Variants in KCNAB3 observed in about 807,000 individuals in gnomAD.
KCNAB3 encodes the protein voltage-gated potassium channel subunit beta-3.
Under a neutral mutation model 67.7 loss-of-function variants are expected in KCNAB3, and 62 were observed. The ratio of observed to expected loss-of-function variants is 0.92; its 90% CI spans 0.75 to 1.13. The LOEUF (loss-of-function observed/expected upper bound fraction) is 1.13, where lower values mean the gene tolerates loss of function less well. Among genes scored for constraint, KCNAB3 ranks in the 50% most tolerant of loss-of-function variants. The probability of loss-of-function intolerance (pLI) is 0.00; values close to 1 mark genes in which losing one functional copy is unlikely to be tolerated. For synonymous variants in KCNAB3, 212 were observed against 205.4 expected, an observed-to-expected ratio of 1.03 and a Z score of -0.27; for missense variants, 514 against 522.9, an observed-to-expected ratio of 0.98 and a Z score of 0.17.
Position 7,923,712 on chromosome 17 carries a change from A to G in KCNAB3, c.1047T>C (p.Ile349=), listed in dbSNP as rs1290869822. The change falls in exon 12 of 14, where the codon ATT becomes ATC. Residue 349 remains isoleucine (I), a splice_region_variant and synonymous_variant. Coordinates refer to ENST00000303790, the MANE Select transcript of KCNAB3 (RefSeq NM_004732.4). ...CCCCTGCAGGGTGCAATGTCTCACC[A>G]ATAGCAAGCTGGGCCACGGTGCAGC... is the stretch of plus-strand genomic sequence containing the variant. ...QLGCTVAQLA[I]AWCLRSEGVS... The G allele has an allele frequency of 6.4e-7, 1 of 1,559,406 alleles. No individual in the cohort carries two copies. Among genetic ancestry groups the G allele is most frequent in the Admixed American group, 1.9e-5 (1 of 51,806 alleles).
rs750357232 is a variant in KCNAB3, at chr17:7,924,379, T to C, written c.711+36A>G. ...TAACCACGTGAAAAGTGGGAACCAG[T>C]TGTGGGACAGGGGCAAGGTGGGGTC... On this transcript the variant is annotated intron_variant, in intron 9 of 13. Transcript: ENST00000303790. 16 of 1,610,262 alleles carry C rather than the reference T, an allele frequency of 9.9e-6. No homozygotes were observed. The East Asian group carries it at 3.6e-4, about 36-fold the overall frequency.
In KCNAB3 at chr17:7,929,189, C is replaced by T; in HGVS notation, c.242+5G>A. 6.2e-7 allele frequency: 1 copy of T among 1,611,874 alleles called. No individual in the cohort carries two copies. The highest frequency in any genetic ancestry group is 8.5e-7 in the Non-Finnish European group (1 of 1,179,540). On this transcript the variant is annotated splice_donor_5th_base_variant and intron_variant, in intron 1 of 13. Transcript: ENST00000303790. This position sits in a 1 kb window ranked among gnomAD's most constrained non-coding sequence, Gnocchi z 5.7. ...AAGGGGTGGGCTGCCCGGCCACCCCCATACCTGTATTTCATGCCAGTGCCT... is the reference window on the plus strand; with the variant it reads ...AAGGGGTGGGCTGCCCGGCCACCCCTATACCTGTATTTCATGCCAGTGCCT...
Position 7,923,014 on chromosome 17 carries a change from A to T in KCNAB3, c.*88T>A. On this transcript the variant is annotated 3_prime_UTR_variant, in exon 14 of 14. Coordinates refer to ENST00000303790, the MANE Select transcript of KCNAB3 (RefSeq NM_004732.4). ...TAGTCTGGCTCCGGCCGCTGCGTGG[A>T]GGGATCCGGAGCGGGAGAGGCGGCT... The T allele has an allele frequency of 1.6e-6, 2 of 1,267,012 alleles. No homozygotes were observed. Among genetic ancestry groups the T allele is most frequent in the East Asian group, 2.3e-5 (1 of 43,192 alleles). 78.5% of individuals were successfully genotyped at this position (1,267,012 alleles called of 1,614,324 possible).
chr17:7,927,209 G>A (rs756125599), intron 4 of KCNAB3, 135 bp downstream of exon 4: 269 of 806,288 alleles, frequency 3.3e-4, no homozygotes, highest in Non-Finnish European at 2.9e-4. Flanking sequence ...CAGTGCTTTC[G>A]GGTCCCTCCG....
Position 7,923,534 on chromosome 17 carries a change from G to C in KCNAB3, c.1059C>G (p.Leu353=). 6.2e-7 allele frequency: 1 copy of C among 1,609,492 alleles called. No homozygotes were observed. Among genetic ancestry groups the C allele is most frequent in the Non-Finnish European group, 8.5e-7 (1 of 1,178,002 alleles). The stretch of plus-strand genomic sequence containing the variant: ...AGACAGAGCTGACACCCTCACTGCG[G>C]AGACACCACGCTGGGGCCAGAGGAG... ...TVAQLAIAWC[L]RSEGVSSVLL... The change falls in exon 13 of 14, where the codon CTC becomes CTG. Residue 353 remains leucine, a synonymous_variant. Coordinates refer to ENST00000303790, the MANE Select transcript of KCNAB3 (RefSeq NM_004732.4).
At position 7,929,591 on chromosome 17, in the gene KCNAB3, C is replaced by A. The variant is rs1326655103; in HGVS notation, c.-156G>T. ...GGGAGCCGCCAGGCAGGATCGGGCC[C>A]GCGGGGGCGGGCTGCTGGAGGTCGC... On this transcript the variant is annotated 5_prime_UTR_variant, in exon 1 of 14. Coordinates refer to ENST00000303790, the MANE Select transcript of KCNAB3 (RefSeq NM_004732.4). The surrounding 1 kb of genome is among the most constrained non-coding windows in gnomAD (Gnocchi z 5.7). 2.1e-6 allele frequency: 3 copies of A among 1,429,598 alleles called. No individual in the cohort carries two copies. The allele number at this position is 1,429,598 out of a possible 1,614,324, so 88.6% of individuals were successfully genotyped here. A position where few individuals can be genotyped will look rare whatever the true frequency, so the allele number is the denominator to read the frequency against.
rs549451120 is a variant in KCNAB3 at position 7,926,039 on chromosome 17, A to AC, written c.449+19dup. ...TTTTTGGGTGATCACATCCCCAGCA[A>AC]CCCCCCAAAACAGTCTCACCTCCAA... On this transcript the variant is annotated intron_variant, in intron 5 of 13. Transcript: ENST00000303790. 401 of 1,613,796 alleles carry AC rather than the reference A, an allele frequency of 2.5e-4. 6 individuals carry two copies. In the South Asian group the frequency reaches 4.2e-3, roughly 17 times the overall value.
Position 7,929,818 on chromosome 17 carries a change from CCGCT to C in KCNAB3, c.-387_-384del. 17 of 1,015,936 alleles carry C rather than the reference CCGCT, an allele frequency of 1.7e-5. No homozygotes were observed. The Admixed American group carries it at 1.8e-4, about 11-fold the overall frequency. The allele number at this position is 1,015,936 out of a possible 1,614,324, so 62.9% of individuals were successfully genotyped here. A position where few individuals can be genotyped will look rare whatever the true frequency, so the allele number is the denominator to read the frequency against. ...ACTTCAGCGCGAACCGCTGCGGGACCCGCTGGGCTCCCAGCCGCGTCGGCAGCGG... is the reference window on the plus strand; with the variant it reads ...ACTTCAGCGCGAACCGCTGCGGGACCGGGCTCCCAGCCGCGTCGGCAGCGG... On this transcript the variant is annotated 5_prime_UTR_variant, in exon 1 of 14. Transcript: ENST00000303790. This position sits in a 1 kb window ranked among gnomAD's most constrained non-coding sequence, Gnocchi z 5.7.
intron 1 of KCNAB3, chr17:7,928,956 G>C: frequency 1.7e-6 from 1 of 599,094 alleles, no homozygotes; most frequent in South Asian, 2.0e-5. Flanking sequence ...AAGCTCAGGG[G>C]CATCCCCTGG....
Position 7,929,472 on chromosome 17 carries a change from GAC to G in KCNAB3, c.-39_-38del. On this transcript the variant is annotated 5_prime_UTR_variant, in exon 1 of 14. Coordinates refer to ENST00000303790, the MANE Select transcript of KCNAB3 (RefSeq NM_004732.4). The surrounding 1 kb of genome is among the most constrained non-coding windows in gnomAD (Gnocchi z 5.7). ...GAGGCGGGGGAGGGGGCTCCGAGGG[GAC>G]GGGAGGGGGGAGCAGGGAAGCCCGA... 2 of 1,492,106 alleles carry G rather than the reference GAC, an allele frequency of 1.3e-6. No individual in the cohort carries two copies. Among genetic ancestry groups the G allele is most frequent in the Non-Finnish European group, 9.1e-7 (1 of 1,103,118 alleles). The allele number at this position is 1,492,106 out of a possible 1,614,324, so 92.4% of individuals were successfully genotyped here.
In KCNAB3 at chr17:7,924,428, GCCC is replaced by G; in HGVS notation, c.695_697del (p.Gly232del). On this transcript the variant is annotated inframe_deletion, in exon 9 of 14. Coordinates refer to ENST00000303790, the MANE Select transcript of KCNAB3 (RefSeq NM_004732.4). Reference sequence around the variant, plus strand: ...TCACACACTCACCATGATTTCTGCAGCCCCCCATCGGGATGTCCCCCAGTATAG... The same window carrying G: ...TCACACACTCACCATGATTTCTGCAGCCCATCGGGATGTCCCCCAGTATAG... The G allele has an allele frequency of 6.2e-7, 1 of 1,613,888 alleles. No homozygotes were observed. Among genetic ancestry groups the G allele is most frequent in the Non-Finnish European group, 8.5e-7 (1 of 1,179,866 alleles).
In KCNAB3 at chr17:7,929,244, G is replaced by A. The variant is rs1339815860; in HGVS notation, c.192C>T (p.Pro64=). 6.2e-7 allele frequency: 1 copy of A among 1,609,572 alleles called. No individual in the cohort carries two copies. Among genetic ancestry groups the A allele is most frequent in the Non-Finnish European group, 8.5e-7 (1 of 1,178,620 alleles). ...CGGTGCTCTCTCGGAGGGCCCCAGC[G>A]GGCGCTGGGGGTCGGGGAACCAGTG... is the stretch of plus-strand genomic sequence containing the variant. ...RAALVPRPPA[P]AGALRESTGR... Residue 64 remains proline (P), a synonymous_variant, in exon 1 of 14, where the codon CCC becomes CCT. Transcript: ENST00000303790. This position sits in a 1 kb window ranked among gnomAD's most constrained non-coding sequence, Gnocchi z 5.7.
At chr17:7,925,558 A>T in intron 7 of KCNAB3, 125 bp downstream of exon 7, 1 of 809,366 alleles carries the variant, frequency 1.2e-6, no homozygotes, top group South Asian at 1.5e-5. Flanking sequence ...AAAAGAATTC[A>T]GACCTTGCCC....
At position 7,923,084 on chromosome 17, in the gene KCNAB3, C is replaced by T; in HGVS notation, c.*18G>A. On this transcript the variant is annotated 3_prime_UTR_variant, in exon 14 of 14. Coordinates refer to ENST00000303790, the MANE Select transcript of KCNAB3 (RefSeq NM_004732.4). ...CGGGTGCAGCGACACCGGGTTGGGT[C>T]CCTGCGCCCGCGACAGACTACTTCT... 6.2e-7 allele frequency: 1 copy of T among 1,613,304 alleles called. No homozygotes were observed. The highest frequency in any genetic ancestry group is 1.3e-5 in the African/African-American group (1 of 75,008).
At chr17:7,924,848 T>G (rs1432873192) in intron 8 of KCNAB3, 2 of 580,292 alleles carry the variant, frequency 3.4e-6, no homozygotes, top group Non-Finnish European at 5.6e-6. Flanking sequence ...GCTTGAATGA[T>G]CCTCCTGCCT....
In KCNAB3 at chr17:7,929,362, C is replaced by T. The variant is rs1972350395; in HGVS notation, c.74G>A (p.Arg25Gln). 2 of 1,549,196 alleles carry T rather than the reference C, an allele frequency of 1.3e-6. No individual in the cohort carries two copies. Among genetic ancestry groups the T allele is most frequent in the East Asian group, 2.4e-5 (1 of 40,870 alleles). ...ACCATTACCGCCCCCGGGGCCCGGC[C>T]GGGGTCCACACAGACGGTCCTCACT... ...RSSEDRLCGP[R>Q]PGPGGGNGGP... Residue 25 changes from arginine to glutamine, a missense_variant, in exon 1 of 14, where the codon CGG becomes CAG. Transcript: ENST00000303790. This position sits in a 1 kb window ranked among gnomAD's most constrained non-coding sequence, Gnocchi z 5.7.
intron 1 of KCNAB3, 132 bp from the exon 2 acceptor site, chr17:7,927,958 C>T (rs1371736240): frequency 2.8e-6 from 3 of 1,072,296 alleles, no homozygotes; most frequent in Non-Finnish European, 4.3e-6. Flanking sequence ...ACCCAGTGGG[C>T]CTATAAGATT....
chr17:7,927,974 A>G, intron 1 of KCNAB3, 148 bp from the exon 2 acceptor site: 1 of 875,554 alleles, frequency 1.1e-6, no homozygotes, highest in African/African-American at 1.7e-5. Flanking sequence ...AGATTGGGCA[A>G]GTGCTATCTC....
In KCNAB3 at chr17:7,929,677, G is replaced by T. The variant is rs1276168261; in HGVS notation, c.-242C>A. ...GCCAGGAGTGGAGATATTCAGTTAC[G>T]GGGGACACAGGAGCAAGGATTAGGA... On this transcript the variant is annotated 5_prime_UTR_variant, in exon 1 of 14. Coordinates refer to ENST00000303790, the MANE Select transcript of KCNAB3 (RefSeq NM_004732.4). This position sits in a 1 kb window ranked among gnomAD's most constrained non-coding sequence, Gnocchi z 5.7. The T allele has an allele frequency of 1.4e-6, 2 of 1,398,058 alleles. No homozygotes were observed. The highest frequency in any genetic ancestry group is 9.3e-7 in the Non-Finnish European group (1 of 1,079,698). The allele number at this position is 1,398,058 out of a possible 1,614,324, so 86.6% of individuals were successfully genotyped here.
Sources: allele counts gnomAD v4.1 joint callset, GRCh38; gene constraint gnomAD v4.1.1; non-coding constraint Gnocchi (gnomAD v3.1); transcripts MANE v1.5; gene names NCBI Gene and HGNC (gene_info 2026-07-23, HGNC 2026-07-21).